Variants in AGBL4 observed in about 807,000 individuals in gnomAD.
AGBL4 encodes AGBL carboxypeptidase 4, also known as cytosolic carboxypeptidase 6.
AGBL4 carries 58 observed loss-of-function variants against 66.4 expected under a neutral mutation model. That is an observed-to-expected ratio of 0.87 (90% confidence interval 0.71 to 1.09). The LOEUF is 1.09. AGBL4 is among the 50% of genes least tolerant of loss of function. AGBL4 has a pLI of 0.00. For missense variants in AGBL4, 579 were observed against 631.0 expected, an observed-to-expected ratio of 0.92 and a Z score of 0.88; for synonymous variants, 234 against 222.9, an observed-to-expected ratio of 1.05 and a Z score of -0.44.
intron 5 of AGBL4, among the ~76,000 whole-genome samples, chr1:48,898,613 T>C (rs1414205896): frequency 1.3e-5 from 2 of 151,684 alleles, no homozygotes; most frequent in Non-Finnish European, 2.9e-5. Context: ...AGTTGGTATA[T>C]CCGGATTCTC....
At chr1:49,276,770 A>G (rs1004259014) in intron 3 of AGBL4, among the ~76,000 whole-genome samples, 2 of 152,194 alleles carry the variant, frequency 1.3e-5, no homozygotes, top group Non-Finnish European at 2.9e-5. Flanking sequence ...CTGGTCATGC[A>G]CTGAGCCCCC....
intron 10 of AGBL4, among the ~76,000 whole-genome samples, chr1:48,588,166 T>C (rs139429917): frequency 1.7e-3 from 256 of 152,242 alleles, no homozygotes; most frequent in African/African-American, 6.0e-3. Flanking sequence ...ACAGCACAAA[T>C]CTGAATCCAG....
At position 49,493,105 on chromosome 1, in the gene AGBL4, C is replaced by T. The variant is rs547299195; in HGVS notation, c.282+204208G>A. 1.7e-3 allele frequency among the ~76,000 whole-genome samples: 265 copies of T among 152,072 alleles called. 1 individual carries two copies. Among genetic ancestry groups the T allele is most frequent in the African/African-American group, 5.9e-3 (246 of 41,528 alleles). ...GGTAACTGTCCCCATGATTAAATTGCCTCCCACTGGGTCCTTCCCATGACA... is the reference window on the plus strand; with the variant it reads ...GGTAACTGTCCCCATGATTAAATTGTCTCCCACTGGGTCCTTCCCATGACA... On this transcript the variant is annotated intron_variant, in intron 3 of 13. Coordinates refer to ENST00000371839, the MANE Select transcript of AGBL4 (RefSeq NM_032785.4).
chr1:49,480,017 TTATC>T (rs1321528238), intron 3 of AGBL4, among the ~76,000 whole-genome samples: 3 of 152,106 alleles, frequency 2.0e-5, no homozygotes, highest in African/African-American at 4.8e-5. Context: ...CACATTTTCT[TTATC>T]TAGTCTATCA....
chr1:49,040,336 G>A (rs1272948420), intron 5 of AGBL4, among the ~76,000 whole-genome samples: 1 of 152,044 alleles, frequency 6.6e-6, no homozygotes, highest in Non-Finnish European at 1.5e-5. Context: ...GCTAGCATCT[G>A]GGAAAACTGT....
chr1:48,650,505 C>T lies in AGBL4; in HGVS notation c.839+2832G>A, dbSNP rs1044892764. Among the ~76,000 whole-genome samples, 10 of 151,218 alleles carry T rather than the reference C, an allele frequency of 6.6e-5. No individual in the cohort carries two copies. The East Asian group carries it at 2.0e-3, about 30-fold the overall frequency. ...TCTTTACTTCCTTCCTCCCTATCTCCCTCCTTGCCTCCTTCCCTCTCTCCC... is the reference window on the plus strand; with the variant it reads ...TCTTTACTTCCTTCCTCCCTATCTCTCTCCTTGCCTCCTTCCCTCTCTCCC... On this transcript the variant is annotated intron_variant, in intron 8 of 13. Transcript: ENST00000371839.
intron 4 of AGBL4, among the ~76,000 whole-genome samples, chr1:49,051,769 C>T (rs997323231): frequency 1.3e-5 from 2 of 152,142 alleles, no homozygotes; most frequent in African/African-American, 2.4e-5. Flanking sequence ...TAATAGTACT[C>T]CTGTCACCAG....
At chr1:49,953,655 T>C (rs997631628) in intron 1 of AGBL4, among the ~76,000 whole-genome samples, 2 of 151,820 alleles carry the variant, frequency 1.3e-5, no homozygotes, top group African/African-American at 4.8e-5. Flanking sequence ...CATTTCAGAT[T>C]TCAGATTTTT....
intron 2 of AGBL4, among the ~76,000 whole-genome samples, chr1:49,805,276 A>G (rs929069741): frequency 3.3e-5 from 5 of 152,186 alleles, no homozygotes; most frequent in African/African-American, 4.8e-5. Context: ...AGAAGATAAG[A>G]ATTCAGATTT....
chr1:48,532,246 T>C (rs1158405320), downstream of AGBL4, among the ~76,000 whole-genome samples: 3 of 152,224 alleles, frequency 2.0e-5, no homozygotes, highest in African/African-American at 4.8e-5. Context: ...CGTAAGTTCA[T>C]TAAACTTTCA....
intron 3 of AGBL4, among the ~76,000 whole-genome samples, chr1:49,347,313 A>G (rs1449668253): frequency 1.2e-4 from 17 of 143,960 alleles, no homozygotes; most frequent in African/African-American, 4.2e-4. Context: ...GTGCAGTGGC[A>G]CGATCTCAGC....
chr1:48,560,141 T>C (rs1029567062), intron 11 of AGBL4, among the ~76,000 whole-genome samples: 3 of 152,184 alleles, frequency 2.0e-5, no homozygotes, highest in Non-Finnish European at 4.4e-5. Flanking sequence ...GCTTTTTATC[T>C]TGTGTTATAA....
intron 5 of AGBL4, among the ~76,000 whole-genome samples, chr1:49,008,593 C>G (rs1459624378): frequency 6.9e-6 from 1 of 144,980 alleles, no homozygotes; most frequent in Non-Finnish European, 1.5e-5. Flanking sequence ...AGCACCACAC[C>G]ACACCTATTC....
intron 3 of AGBL4, among the ~76,000 whole-genome samples, chr1:49,531,362 T>A (rs767783336): frequency 2.0e-5 from 3 of 152,112 alleles, no homozygotes; most frequent in Non-Finnish European, 4.4e-5. Flanking sequence ...CCCTTCTATG[T>A]TGGGCATTCT....
intron 4 of AGBL4, among the ~76,000 whole-genome samples, chr1:49,076,998 T>A (rs1159226323): frequency 6.6e-6 from 1 of 152,200 alleles, no homozygotes; most frequent in Non-Finnish European, 1.5e-5. Flanking sequence ...CTTATAAATG[T>A]GCTTTATTTT....
chr1:49,237,389 C>T (rs1482863985), intron 4 of AGBL4, among the ~76,000 whole-genome samples: 1 of 151,628 alleles, frequency 6.6e-6, no homozygotes, highest in African/African-American at 2.4e-5. Flanking sequence ...GTGAGGCCTC[C>T]CCAGCCACAT....
At chr1:49,180,641 T>C (rs1441230723) in intron 4 of AGBL4, among the ~76,000 whole-genome samples, 3 of 152,166 alleles carry the variant, frequency 2.0e-5, no homozygotes, top group African/African-American at 7.2e-5. Flanking sequence ...CAGAAGATAC[T>C]GATCCAGAAG....
At chr1:49,996,880 G>A (rs941348774) in intron 1 of AGBL4, among the ~76,000 whole-genome samples, 2 of 152,098 alleles carry the variant, frequency 1.3e-5, no homozygotes, top group Admixed American at 6.5e-5. Context: ...AAAAACACAA[G>A]CTAGAAGGTA....
At chr1:48,804,682 G>T (rs1282053854) in intron 6 of AGBL4, among the ~76,000 whole-genome samples, 1 of 152,158 alleles carries the variant, frequency 6.6e-6, no homozygotes, top group Non-Finnish European at 1.5e-5. Flanking sequence ...GGAGGGGTAG[G>T]GGCTCTAGGG....
Sources: allele counts gnomAD v4.1 joint callset (sites outside exome capture counted in the v4.1 genomes callset), GRCh38; gene constraint gnomAD v4.1.1; transcripts MANE v1.5; gene names NCBI Gene and HGNC (gene_info 2026-07-23, HGNC 2026-07-21).